Variants in PDK4 observed in about 807,000 individuals in gnomAD.
The protein encoded by PDK4 is pyruvate dehydrogenase kinase, isozyme 4.
PDK4 carries 43 observed loss-of-function variants against 51.7 expected under a neutral mutation model. The ratio of observed to expected loss-of-function variants is 0.83; its 90% CI spans 0.65 to 1.07. PDK4 has a LOEUF of 1.07. Ranked by LOEUF, PDK4 falls within the 50% of genes least tolerant of loss-of-function variation. The pLI, the probability that PDK4 is intolerant of heterozygous loss-of-function variation, is 0.00. For missense variants in PDK4, 498 were observed against 503.5 expected (o/e 0.99, Z 0.10); for synonymous variants, 170 against 176.6 (o/e 0.96, Z 0.30).
intron 1 of PDK4, 24 bp from the exon 2 acceptor site, chr7:95,595,188 G>A: frequency 6.3e-7 from 1 of 1,575,084 alleles, no homozygotes; most frequent in Non-Finnish European, 8.7e-7. Context: ...AATCAATTTA[G>A]TTTTGAGAAA....
intron 9 of PDK4, 84 bp downstream of exon 9, chr7:95,587,334 C>T: frequency 1.1e-6 from 1 of 872,792 alleles, no homozygotes; most frequent in Admixed American, 2.0e-5. Flanking sequence ...AATTGATGAA[C>T]TTGTCTAAAT....
intron 6 of PDK4, among the ~76,000 whole-genome samples, chr7:95,589,968 A>C (rs1267524169): frequency 6.6e-6 from 1 of 151,856 alleles, no homozygotes; most frequent in Non-Finnish European, 1.5e-5. Context: ...GGGTCTTACT[A>C]TGTTGTCCAG....
chr7:95,596,050 G>T (rs2116722007), intron 1 of PDK4, 114 bp downstream of exon 1: 2 of 1,186,442 alleles, frequency 1.7e-6, no homozygotes, highest in East Asian at 2.8e-5. Flanking sequence ...GGGCTCAGCA[G>T]CAAAGTGAAC....
intron 2 of PDK4, 98 bp from the exon 3 acceptor site, chr7:95,593,868 G>C (rs1791582817): frequency 3.8e-6 from 2 of 520,532 alleles, no homozygotes; most frequent in Admixed American, 3.3e-5. Flanking sequence ...AAAAGAGAAA[G>C]TAAGCATTAT....
rs906659175 is a variant in PDK4 at position 95,583,978 on chromosome 7, A to G, written c.*1663T>C. 6.6e-6 allele frequency: 1 copy of G among 152,332 alleles called. No individual in the cohort carries two copies. The highest frequency in any genetic ancestry group is 1.9e-4 in the East Asian group (1 of 5,180). 9.4% of individuals were successfully genotyped at this position (152,332 alleles called of 1,614,324 possible). A position where few individuals can be genotyped will look rare whatever the true frequency, so the allele number is the denominator to read the frequency against. ...TGATAAAAACTGAAATCCACAAAAA[A>G]ATAGTTGAGCTTCTATTACCATTAC... On this transcript the variant is annotated 3_prime_UTR_variant, in exon 11 of 11. Coordinates refer to ENST00000005178, the MANE Select transcript of PDK4 (RefSeq NM_002612.4).
At chr7:95,593,619 AT>A in intron 3 of PDK4, 79 bp downstream of exon 3, 1 of 718,228 alleles carries the variant, frequency 1.4e-6, no homozygotes, top group Non-Finnish European at 2.5e-6. Context: ...AATTCCTTTA[AT>A]TTAGGTCTAA....
intron 4 of PDK4, 79 bp from the exon 5 acceptor site, chr7:95,592,676 G>T: frequency 7.4e-7 from 1 of 1,359,372 alleles, no homozygotes; most frequent in Non-Finnish European, 1.1e-6. Context: ...AATGTGACCC[G>T]CTGATTAGTG....
rs1584124614 is a variant in PDK4, at chr7:95,593,761, C to G, written c.282G>C (p.Gln94His). The change falls in exon 3 of 11, where the codon CAG (glutamine) becomes CAC (histidine). Residue 94 changes from glutamine (Q) to histidine (H), a missense_variant. By Grantham distance (24) the Gln-to-His change is conservative (BLOSUM62 0). Coordinates refer to ENST00000005178, the MANE Select transcript of PDK4 (RefSeq NM_002612.4). Reference sequence around the variant, plus strand: ...GGAATTCCACCAAATCCATCAGGCTCTGTATATACCTGTAAAGAAACAGGT... The same window carrying G: ...GGAATTCCACCAAATCCATCAGGCTGTGTATATACCTGTAAAGAAACAGGT... ...SVQLVKSWYI[Q>H]SLMDLVEFHE... 1 of 1,494,580 alleles carries G rather than the reference C, an allele frequency of 6.7e-7. No individual in the cohort carries two copies. The highest frequency in any genetic ancestry group is 2.3e-5 in the East Asian group (1 of 43,760). 92.6% of individuals were successfully genotyped at this position (1,494,580 alleles called of 1,614,324 possible).
At position 95,587,455 on chromosome 7, in the gene PDK4, G is replaced by A. The variant is rs769266305; in HGVS notation, c.944C>T (p.Pro315Leu). Reference protein sequence around the residue: ...RLFSYTYSTAPTPVMDNSRNA... With the variant: ...RLFSYTYSTALTPVMDNSRNA... ...CCGGGAATTATCCATCACAGGCGTT[G>A]GTGCAGTGGAGTATGTATAACTAAA... is the stretch of plus-strand genomic sequence containing the variant. The change falls in exon 9 of 11, where the codon CCA becomes CTA. Residue 315 changes from proline (P) to leucine (L), a missense_variant. By Grantham distance (98) the Pro-to-Leu change is moderately conservative. Transcript: ENST00000005178. 6.2e-7 allele frequency: 1 copy of A among 1,609,392 alleles called. No homozygotes were observed. Among genetic ancestry groups the A allele is most frequent in the Non-Finnish European group, 8.5e-7 (1 of 1,175,686 alleles).
chr7:95,595,291 A>G lies in PDK4; in HGVS notation c.131-127T>C. On this transcript the variant is annotated intron_variant, in intron 1 of 10. Coordinates refer to ENST00000005178, the MANE Select transcript of PDK4 (RefSeq NM_002612.4). Reference sequence around the variant, plus strand: ...ATTATATTTCACTCTCAGTTGGGTTACTGTTAATCGATAATTCAGGGGCGA... The same window carrying G: ...ATTATATTTCACTCTCAGTTGGGTTGCTGTTAATCGATAATTCAGGGGCGA... The G allele has an allele frequency of 1.0e-5, 6 of 578,948 alleles. No homozygotes were observed. The South Asian group carries it at 1.8e-4, about 17-fold the overall frequency. 35.9% of individuals were successfully genotyped at this position (578,948 alleles called of 1,614,324 possible). A position where few individuals can be genotyped will look rare whatever the true frequency, so the allele number is the denominator to read the frequency against.
At position 95,593,715 on chromosome 7, in the gene PDK4, G is replaced by T; in HGVS notation, c.328C>A (p.Gln110Lys). The change falls in exon 3 of 11, where the codon CAG (glutamine) becomes AAG (lysine). Residue 110 changes from glutamine to lysine, a missense_variant. Physicochemically the swap from Gln to Lys is moderately conservative, Grantham distance 53. Coordinates refer to ENST00000005178, the MANE Select transcript of PDK4 (RefSeq NM_002612.4). ...AGAGCTTACTCTGATAATGCTTTCT[G>T]GTCATCTGGGCTTTTCTCATGGAAT... ...VEFHEKSPDD[Q>K]KALSDFVDTL... 6.5e-7 allele frequency: 1 copy of T among 1,539,280 alleles called. No individual in the cohort carries two copies. Among genetic ancestry groups the T allele is most frequent in the Non-Finnish European group, 9.0e-7 (1 of 1,112,052 alleles).
At chr7:95,586,816 G>T (rs961341522) in intron 10 of PDK4, 194 bp downstream of exon 10, 2 of 467,142 alleles carry the variant, frequency 4.3e-6, no homozygotes, top group African/African-American at 3.9e-5. Context: ...CAGGTAGTAT[G>T]GCCCAGCTTC....
rs1207547011 is a variant in PDK4, at chr7:95,584,066, A to G, written c.*1575T>C. 1.3e-5 allele frequency: 2 copies of G among 152,070 alleles called. No individual in the cohort carries two copies. Among genetic ancestry groups the G allele is most frequent in the Non-Finnish European group, 2.9e-5 (2 of 67,990 alleles). The allele number at this position is 152,070 out of a possible 1,614,324, so 9.4% of individuals were successfully genotyped here. On this transcript the variant is annotated 3_prime_UTR_variant, in exon 11 of 11. Coordinates refer to ENST00000005178, the MANE Select transcript of PDK4 (RefSeq NM_002612.4). ...CACAAATGTCAAATTCAACATATAA[A>G]CCATACTGATTATTTTACAATGCAG... is the stretch of plus-strand genomic sequence containing the variant.
In PDK4 at chr7:95,589,705, C is replaced by A; in HGVS notation, c.706G>T (p.Asp236Tyr). The A allele has an allele frequency of 1.3e-6, 2 of 1,572,638 alleles. No individual in the cohort carries two copies. The highest frequency in any genetic ancestry group is 1.7e-5 in the Admixed American group (1 of 59,554). ...KLTQVNGKFPDQPIHIVYVPS... is the reference protein window; with the variant it reads ...KLTQVNGKFPYQPIHIVYVPS... ...ACATACACGATGTGAATTGGTTGGT[C>A]TGGAAATTTTCCTAGAAAAATAAAA... Residue 236 changes from aspartate to tyrosine, a missense_variant, in exon 7 of 11, where the codon GAC becomes TAC. Physicochemically the swap from Asp to Tyr is radical, Grantham distance 160 (BLOSUM62 -3). Coordinates refer to ENST00000005178, the MANE Select transcript of PDK4 (RefSeq NM_002612.4).
Position 95,589,627 on chromosome 7 carries a change from T to C in PDK4, c.771+13A>G, listed in dbSNP as rs768551837. ...TTAAAAGGTAAAATTTCAATTATTG[T>C]GAAGTATCATACCTTAAATAGTTCA... On this transcript the variant is annotated intron_variant, in intron 7 of 10. Coordinates refer to ENST00000005178, the MANE Select transcript of PDK4 (RefSeq NM_002612.4). 1 of 1,304,354 alleles carries C rather than the reference T, an allele frequency of 7.7e-7. No homozygotes were observed. The highest frequency in any genetic ancestry group is 1.1e-6 in the Non-Finnish European group (1 of 916,494). 80.8% of individuals were successfully genotyped at this position (1,304,354 alleles called of 1,614,324 possible). A position where few individuals can be genotyped will look rare whatever the true frequency, so the allele number is the denominator to read the frequency against.
In PDK4 at chr7:95,586,217, C is replaced by T. The variant is rs1310176006; in HGVS notation, c.1096-436G>A. On this transcript the variant is annotated intron_variant, in intron 10 of 10. Coordinates refer to ENST00000005178, the MANE Select transcript of PDK4 (RefSeq NM_002612.4). ...AGGTTTTTTTTTTTTTTTTTTGAGA[C>T]GGAGTCTAGCTCTGTTGCCCAAGCT... Among the ~76,000 whole-genome samples, 8 of 39,656 alleles carry T rather than the reference C, an allele frequency of 2.0e-4. No individual in the cohort carries two copies. The East Asian group carries it at 0.028, about 138-fold the overall frequency. The allele number at this position is 39,656 out of a possible 152,430, so 26.0% of individuals were successfully genotyped here.
chr7:95,587,882 G>GT (rs59642242), intron 7 of PDK4, 57 bp from the exon 8 acceptor site: 108,913 of 764,392 alleles, frequency 0.14, 1,182 homozygotes, highest in South Asian at 0.27. Flanking sequence ...GACAATAAAT[G>GT]TTTTTTTTTT....
chr7:95,595,564 G>T (rs6967337), intron 1 of PDK4, among the ~76,000 whole-genome samples: 76,460 of 151,974 alleles, frequency 0.5, 20,206 homozygotes, highest in East Asian at 0.92. Flanking sequence ...GAGGCTGGAG[G>T]GGGAGCTGTG....
chr7:95,592,731 T>C (rs1453148969), intron 4 of PDK4, 29 bp downstream of exon 4: 4 of 1,568,754 alleles, frequency 2.5e-6, no homozygotes, highest in Non-Finnish European at 3.5e-6. Flanking sequence ...CCCATGTCTA[T>C]ATACCATGAT....
Sources: gnomAD v4.1 joint callset for allele counts (sites outside exome capture counted in the v4.1 genomes callset) on GRCh38, gnomAD v4.1.1 for gene constraint, MANE v1.5 for transcripts, NCBI Gene and HGNC (gene_info 2026-07-23, HGNC 2026-07-21) for gene names.